Variants in SGO1 observed in about 807,000 individuals in gnomAD.
SGO1 encodes the protein serologically defined breast cancer antigen NY-BR-85.
SGO1 carries 39 observed loss-of-function variants against 50.5 expected under a neutral mutation model. That is an observed-to-expected ratio of 0.77 (90% confidence interval 0.60 to 1.01). The LOEUF (loss-of-function observed/expected upper bound fraction) is 1.01, where lower values mean the gene tolerates loss of function less well. SGO1 is among the 50% of genes least tolerant of loss of function. SGO1 has a pLI of 0.00. For synonymous variants in SGO1, 191 were observed against 205.1 expected (o/e 0.93, Z 0.59); for missense variants, 638 against 606.0 (o/e 1.05, Z -0.55).
Position 20,174,318 on chromosome 3 carries a change from C to T in SGO1, c.1213G>A (p.Ala405Thr). 1 of 1,614,166 alleles carries T rather than the reference C, an allele frequency of 6.2e-7. No individual in the cohort carries two copies. Among genetic ancestry groups the T allele is most frequent in the Non-Finnish European group, 8.5e-7 (1 of 1,180,022 alleles). ...NSDRPVTRPL[A>T]KRALKYTDEK... ...TCTGTGTATTTCAGTGCTCTTTTAG[C>T]TAGAGGCCTGGTGACTGGTCTATCT... is the stretch of plus-strand genomic sequence containing the variant. Residue 405 changes from alanine to threonine, a missense_variant, in exon 6 of 8, where the codon GCT (alanine) becomes ACT (threonine). Transcript: ENST00000412997.
At position 20,178,286 on chromosome 3, in the gene SGO1, A is replaced by C. The variant is rs758080381; in HGVS notation, c.401T>G (p.Phe134Cys). The change falls in exon 4 of 8, where the codon TTT (phenylalanine) becomes TGT (cysteine). Residue 134 changes from phenylalanine (F) to cysteine (C), a missense_variant. Coordinates refer to ENST00000412997, the MANE Select transcript of SGO1 (RefSeq NM_001199251.3). The stretch of plus-strand genomic sequence containing the variant: ...TGATACTAACGGTAAATCCTTCACA[A>C]ATAAATTTCTGGAGCTGTCATCACT... The part of the protein sequence containing the change: ...PNSDDSSRNL[F>C]VKDLPQIPLE... 4 of 1,611,140 alleles carry C rather than the reference A, an allele frequency of 2.5e-6. No homozygotes were observed. The highest frequency in any genetic ancestry group is 3.4e-6 in the Non-Finnish European group (4 of 1,177,502).
At chr3:20,163,516 T>G (rs1306709816) in intron 8 of SGO1, among the ~76,000 whole-genome samples, 1 of 152,186 alleles carries the variant, frequency 6.6e-6, no homozygotes, top group Non-Finnish European at 1.5e-5. Flanking sequence ...TTTCTAGGAT[T>G]TGACATTTTC....
chr3:20,184,119 TTAAA>T, intron 1 of SGO1, 85 bp from the exon 2 acceptor site: 1 of 1,022,000 alleles, frequency 9.8e-7, no homozygotes, highest in African/African-American at 1.7e-5. Flanking sequence ...AAAGAATGCA[TTAAA>T]TAGACTAAAC....
chr3:20,172,106 A>G (rs1243754945), intron 6 of SGO1, among the ~76,000 whole-genome samples: 1 of 152,198 alleles, frequency 6.6e-6, no homozygotes, highest in Admixed American at 6.5e-5. Flanking sequence ...AATTATTCCA[A>G]CTTTCAGTTT....
At position 20,171,157 on chromosome 3, in the gene SGO1, A is replaced by G. The variant is rs1374607090; in HGVS notation, c.1358T>C (p.Val453Ala). The change falls in exon 7 of 8, where the codon GTG becomes GCG. Residue 453 changes from valine to alanine, a missense_variant. Physicochemically the swap from Val to Ala is moderately conservative, Grantham distance 64 (BLOSUM62 0). Coordinates refer to ENST00000412997, the MANE Select transcript of SGO1 (RefSeq NM_001199251.3). ...DITNVSLYPV[V>A]KIRRLSLSPK... ...AGAAAGAGAAAGTCTTCTGATTTTC[A>G]CAACAGGATACAAGGAGACATTGGT... 3 of 1,613,334 alleles carry G rather than the reference A, an allele frequency of 1.9e-6. No individual in the cohort carries two copies. The Admixed American group carries it at 5.0e-5, about 27-fold the overall frequency.
At chr3:20,162,254 T>C (rs1700076691) in intron 8 of SGO1, among the ~76,000 whole-genome samples, 1 of 152,212 alleles carries the variant, frequency 6.6e-6, no homozygotes, top group South Asian at 2.1e-4. Flanking sequence ...TACAGGGAGT[T>C]GTGAGCCAAA....
intron 1 of SGO1, among the ~76,000 whole-genome samples, chr3:20,185,672 G>C (rs1476720976): frequency 6.6e-6 from 1 of 152,206 alleles, no homozygotes. Context: ...GCTGCACAAA[G>C]AACTGCTGTC....
intron 3 of SGO1, among the ~76,000 whole-genome samples, chr3:20,179,644 G>T (rs1701790876): frequency 6.6e-6 from 1 of 151,918 alleles, no homozygotes; most frequent in Non-Finnish European, 1.5e-5. Flanking sequence ...GCCCAGGCTG[G>T]TCTTGAACTC....
At chr3:20,182,493 T>A (rs1559374189) in intron 3 of SGO1, among the ~76,000 whole-genome samples, 1 of 152,178 alleles carries the variant, frequency 6.6e-6, no homozygotes, top group Non-Finnish European at 1.5e-5. Context: ...TGCTTTTTTT[T>A]TCTCTGCCCC....
chr3:20,166,889 G>A (rs1700335208), downstream of SGO1, among the ~76,000 whole-genome samples: 1 of 150,242 alleles, frequency 6.7e-6, no homozygotes, highest in Non-Finnish European at 1.5e-5. Context: ...CAGGTGCAGT[G>A]GTGCAAGCTT....
rs749070892 is a variant in SGO1 at position 20,174,651 on chromosome 3, C to A, written c.880G>T (p.Glu294Ter). Reference sequence around the variant, plus strand: ...TTTCTCCTGTTAGCTTTTCTTTTCTCTTCTCTTTTTCTTTCTTGTGTATCT... The same window carrying A: ...TTTCTCCTGTTAGCTTTTCTTTTCTATTCTCTTTTTCTTTCTTGTGTATCT... ...QRDTQERKRE[E>*]KRKANRRKSK... The change falls in exon 6 of 8, where the codon GAG becomes TAG. Residue 294 changes from glutamate (E) to a stop codon, truncating the protein, a stop_gained. Coordinates refer to ENST00000412997, the MANE Select transcript of SGO1 (RefSeq NM_001199251.3). LOFTEE classifies it high-confidence loss of function. The A allele has an allele frequency of 6.2e-7, 1 of 1,603,170 alleles. No individual in the cohort carries two copies. The highest frequency in any genetic ancestry group is 1.1e-5 in the South Asian group (1 of 88,428).
intron 3 of SGO1, among the ~76,000 whole-genome samples, chr3:20,182,118 G>A (rs768037238): frequency 4.0e-5 from 6 of 151,672 alleles, no homozygotes; most frequent in Non-Finnish European, 8.8e-5. Flanking sequence ...TAAAGTTCCC[G>A]TGAAGAAAAC....
chr3:20,174,228 G>C, intron 6 of SGO1, 21 bp downstream of exon 6: 1 of 1,555,788 alleles, frequency 6.4e-7, no homozygotes. Flanking sequence ...AAAAATACAG[G>C]TAAACAAGTA....
At position 20,170,059 on chromosome 3, in the gene SGO1, T is replaced by A. The variant is rs1700554438; in HGVS notation, c.*645A>T. 1.0e-6 allele frequency: 1 copy of A among 985,052 alleles called. No individual in the cohort carries two copies. The highest frequency in any genetic ancestry group is 6.1e-5 in the Admixed American group (1 of 16,274). 61.0% of individuals were successfully genotyped at this position (985,052 alleles called of 1,614,324 possible). ...AAATAGAGATGCCAGAAGCTTATAA[T>A]TAAAAGATCTTATTTGAGTAATCAT... On this transcript the variant is annotated 3_prime_UTR_variant, in exon 8 of 8. Coordinates refer to ENST00000412997, the MANE Select transcript of SGO1 (RefSeq NM_001199251.3).
chr3:20,177,432 G>T (rs1055836833), intron 4 of SGO1, among the ~76,000 whole-genome samples: 1 of 152,160 alleles, frequency 6.6e-6, no homozygotes, highest in Admixed American at 6.5e-5. Context: ...GAAGGGGATG[G>T]ACTTGATAGG....
At chr3:20,172,530 T>G (rs1443326816) in intron 6 of SGO1, among the ~76,000 whole-genome samples, 1 of 150,904 alleles carries the variant, frequency 6.6e-6, no homozygotes, top group East Asian at 2.0e-4. Context: ...AAGATGCAGA[T>G]TCTGACTCCA....
At chr3:20,182,066 G>A (rs1559373358) in intron 3 of SGO1, among the ~76,000 whole-genome samples, 1 of 150,954 alleles carries the variant, frequency 6.6e-6, no homozygotes, top group Non-Finnish European at 1.5e-5. Context: ...CTGGGTGACA[G>A]AGCAAGACTC....
In SGO1 at chr3:20,176,608, T is replaced by C. The variant is rs529754204; in HGVS notation, c.468A>G (p.Gln156=). The change falls in exon 5 of 8, where the codon CAA becomes CAG. Residue 156 remains glutamine, a synonymous_variant. Transcript: ENST00000412997. The part of the protein sequence containing the change: ...TELPGQGESF[Q]IEDQIPTIPQ... ...GATTTTCACTTGAATTACCTTCTAT[T>C]TGAAATGATTCTCCTTGTCCTGGAA... 7.0e-6 allele frequency: 11 copies of C among 1,567,434 alleles called. No individual in the cohort carries two copies. In the African/African-American group the frequency reaches 1.4e-4, roughly 20 times the overall value.
chr3:20,164,570 G>A (rs1194108680), downstream of SGO1, among the ~76,000 whole-genome samples: 1 of 152,072 alleles, frequency 6.6e-6, no homozygotes, highest in Non-Finnish European at 1.5e-5. Context: ...CATTATGGAG[G>A]AAGTTCTAGT....
Sources: allele counts gnomAD v4.1 joint callset (sites outside exome capture counted in the v4.1 genomes callset), GRCh38; gene constraint gnomAD v4.1.1; transcripts MANE v1.5; gene names NCBI Gene and HGNC (gene_info 2026-07-23, HGNC 2026-07-21).